The following TBC1D8 variants were observed in gnomAD, a reference collection of about 807,000 sequenced individuals.
TBC1D8 encodes BUB2-like protein 1.
A neutral mutation model predicts 118.8 loss-of-function variants in TBC1D8; 65 were observed. That is an observed-to-expected ratio of 0.55 (90% CI 0.45 to 0.67). The LOEUF is 0.67. Among genes scored for constraint, TBC1D8 ranks in the 30% least tolerant of loss-of-function variants. The pLI is 0.00. For synonymous variants in TBC1D8, 566 were observed against 595.8 expected, an observed-to-expected ratio of 0.95 and a Z score of 0.73; for missense variants, 1,376 against 1,471.2, an observed-to-expected ratio of 0.94 and a Z score of 1.06.
chr2:101,061,472 T>C (rs2105426098), intron 2 of TBC1D8, among the ~76,000 whole-genome samples: 1 of 152,280 alleles, frequency 6.6e-6, no homozygotes, highest in African/African-American at 2.4e-5. Flanking sequence ...AAAACAGTGG[T>C]GCCTATTTTG....
At chr2:101,034,093 G>A (rs779753044) in intron 9 of TBC1D8, among the ~76,000 whole-genome samples, 2 of 152,160 alleles carry the variant, frequency 1.3e-5, no homozygotes, top group Non-Finnish European at 2.9e-5. Flanking sequence ...GAGCCCAGGA[G>A]GCAGAGGTTG....
chr2:101,132,148 T>C (rs1678622269), intron 1 of TBC1D8, among the ~76,000 whole-genome samples: 1 of 152,252 alleles, frequency 6.6e-6, no homozygotes, highest in African/African-American at 2.4e-5. Context: ...CAGATTCATC[T>C]ACTGTGAGCA....
intron 2 of TBC1D8, among the ~76,000 whole-genome samples, chr2:101,063,888 A>G (rs1489964316): frequency 6.6e-6 from 1 of 152,218 alleles, no homozygotes; most frequent in East Asian, 1.9e-4. Context: ...GCCAAAAAAA[A>G]AACTGAAAGC....
At chr2:101,032,545 G>A in intron 10 of TBC1D8, 160 bp from the exon 11 acceptor site, 1 of 597,078 alleles carries the variant, frequency 1.7e-6, no homozygotes. Flanking sequence ...GAATGACCGT[G>A]ACAGCAACAC....
intron 2 of TBC1D8, among the ~76,000 whole-genome samples, chr2:101,062,312 A>AC (rs1682797595): frequency 6.6e-6 from 1 of 152,198 alleles, no homozygotes; most frequent in African/African-American, 2.4e-5. Context: ...AAAGAAAAAA[A>AC]AAAAACAAGT....
In TBC1D8 at chr2:101,050,480, C is replaced by T. The variant is rs777277144; in HGVS notation, c.793G>A (p.Val265Met). Residue 265 changes from valine (V) to methionine (M), a missense_variant, in exon 5 of 20, where the codon GTG becomes ATG. Coordinates refer to ENST00000409318, the MANE Select transcript of TBC1D8 (RefSeq NM_001330348.2). ...TTATCCAGCAGCCTTCGCAGCGTCACGTCGGCCAGCTGCTCCATGACCTTA... is the reference window on the plus strand; with the variant it reads ...TTATCCAGCAGCCTTCGCAGCGTCATGTCGGCCAGCTGCTCCATGACCTTA... ...VFKVMEQLAD[V>M]TLRRLLDNEV... 10 of 1,613,804 alleles carry T rather than the reference C, an allele frequency of 6.2e-6. No individual in the cohort carries two copies. The highest frequency in any genetic ancestry group is 4.0e-5 in the African/African-American group (3 of 74,926).
intron 1 of TBC1D8, among the ~76,000 whole-genome samples, chr2:101,136,791 A>G (rs1281547304): frequency 6.6e-6 from 1 of 152,238 alleles, no homozygotes; most frequent in African/African-American, 2.4e-5. Context: ...TCTGTAAGCA[A>G]TCTTAATGCC....
chr2:101,072,637 T>A (rs1377525707), intron 2 of TBC1D8, among the ~76,000 whole-genome samples: 1 of 152,156 alleles, frequency 6.6e-6, no homozygotes, highest in Non-Finnish European at 1.5e-5. Context: ...AAGGAGTACT[T>A]GACCCAGATG....
At chr2:101,136,097 G>C (rs1277558515) in intron 1 of TBC1D8, among the ~76,000 whole-genome samples, 1 of 152,152 alleles carries the variant, frequency 6.6e-6, no homozygotes, top group East Asian at 1.9e-4. Context: ...CAAGTGATCC[G>C]GCAGCCTCTG....
intron 5 of TBC1D8, among the ~76,000 whole-genome samples, chr2:101,045,408 C>T (rs1681636901): frequency 6.6e-6 from 1 of 152,224 alleles, no homozygotes; most frequent in Non-Finnish European, 1.5e-5. Flanking sequence ...TACATGCCAA[C>T]TCTTGCTCCC....
chr2:101,013,382 G>A (rs1262358853), intron 17 of TBC1D8, among the ~76,000 whole-genome samples: 1 of 152,150 alleles, frequency 6.6e-6, no homozygotes, highest in East Asian at 1.9e-4. Context: ...AGATATTTGG[G>A]CTGTTTAAAC....
intron 1 of TBC1D8, among the ~76,000 whole-genome samples, chr2:101,121,608 A>G (rs966002231): frequency 6.6e-6 from 1 of 152,240 alleles, no homozygotes; most frequent in African/African-American, 2.4e-5. Flanking sequence ...TCCCATCTTA[A>G]GTGCTCCACC....
At chr2:101,027,614 T>C (rs941653616) in intron 14 of TBC1D8, among the ~76,000 whole-genome samples, 163 bp from the exon 15 acceptor site, 1 of 152,218 alleles carries the variant, frequency 6.6e-6, no homozygotes, top group Non-Finnish European at 1.5e-5. Context: ...TCCAGGTATC[T>C]TTCCCAGGTG....
In TBC1D8 at chr2:101,073,304, T is replaced by A. The variant is rs1374258835; in HGVS notation, c.284-13765A>T. On this transcript the variant is annotated intron_variant, in intron 2 of 19. Transcript: ENST00000409318. ...TTATTTTATTTTATTTTATTTATTT[T>A]TTTTTTTGGAGATGGAGTCTTGCTC... Among the ~76,000 whole-genome samples, 28 of 150,686 alleles carry A rather than the reference T, an allele frequency of 1.9e-4. No individual in the cohort carries two copies. In the East Asian group the frequency reaches 4.5e-3, roughly 24 times the overall value.
Position 101,011,516 on chromosome 2 carries a change from C to T in TBC1D8, c.2852G>A (p.Ser951Asn). The T allele has an allele frequency of 6.2e-7, 1 of 1,613,932 alleles. No individual in the cohort carries two copies. Among genetic ancestry groups the T allele is most frequent in the Non-Finnish European group, 8.5e-7 (1 of 1,179,870 alleles). Residue 951 changes from serine to asparagine, a missense_variant, in exon 18 of 20, where the codon AGC (serine) becomes AAC (asparagine). Ser to Asn is a conservative substitution (Grantham distance 46). Coordinates refer to ENST00000409318, the MANE Select transcript of TBC1D8 (RefSeq NM_001330348.2). Reference sequence around the variant, plus strand: ...CAGAGGATTCCTCAACGGCGACTGGCTGTCTCGGTCATTTTCAGTGAGTGC... The same window carrying T: ...CAGAGGATTCCTCAACGGCGACTGGTTGTCTCGGTCATTTTCAGTGAGTGC... ...PPALTENDRD[S>N]QSPLRNPLLS... is the part of the protein sequence containing the mutation.
intron 5 of TBC1D8, among the ~76,000 whole-genome samples, 172 bp downstream of exon 5, chr2:101,050,229 T>C (rs1181122181): frequency 6.6e-6 from 1 of 152,242 alleles, no homozygotes; most frequent in Non-Finnish European, 1.5e-5. Context: ...GTAATCATCA[T>C]TTCTGTCATA....
chr2:101,053,982 AC>A (rs939305374), intron 4 of TBC1D8, 125 bp downstream of exon 4: 1 of 826,602 alleles, frequency 1.2e-6, no homozygotes, highest in African/African-American at 1.7e-5. Context: ...ATCAAGTGTC[AC>A]CTGGTGTCAT....
At chr2:101,078,893 T>A (rs1675055002) in intron 2 of TBC1D8, among the ~76,000 whole-genome samples, 1 of 152,078 alleles carries the variant, frequency 6.6e-6, no homozygotes, top group South Asian at 2.1e-4. Flanking sequence ...ATTTTTTTGA[T>A]CAGGATCACT....
chr2:101,023,392 C>T (rs1020924139), intron 15 of TBC1D8, among the ~76,000 whole-genome samples: 38 of 151,886 alleles, frequency 2.5e-4, no homozygotes, highest in Admixed American at 2.2e-3. Context: ...GTGATCCACT[C>T]GCCTTGGCCT....
Sources: allele counts gnomAD v4.1 joint callset (sites outside exome capture counted in the v4.1 genomes callset), GRCh38; gene constraint gnomAD v4.1.1; transcripts MANE v1.5; gene names NCBI Gene and HGNC (gene_info 2026-07-23, HGNC 2026-07-21).